LGSN: variants seen among roughly 807,000 people sequenced by gnomAD.
The protein encoded by LGSN is lengsin, lens protein with glutamine synthetase domain.
Under a neutral mutation model 19.5 loss-of-function variants are expected in LGSN, and 21 were observed. The observed-to-expected ratio is 1.07, with a 90% CI of 0.76 to 1.55. The LOEUF is 1.55. Among genes scored for constraint, LGSN ranks in the 40% most tolerant of loss-of-function variants. The pLI is 0.00. For missense variants in LGSN, 673 were observed against 608.5 expected (o/e 1.11, Z -1.12); for synonymous variants, 257 against 215.6 (o/e 1.19, Z -1.68).
the LGSN span, among the ~76,000 whole-genome samples, chr6:63,415,025 A>G: frequency 6.6e-6 from 1 of 152,230 alleles, no homozygotes; most frequent in Non-Finnish European, 1.5e-5. Context: ...ATACTGCTAT[A>G]AAGAACTGCC....
chr6:63,509,522 T>C, the LGSN span, among the ~76,000 whole-genome samples: 2 of 152,182 alleles, frequency 1.3e-5, no homozygotes, highest in African/African-American at 4.8e-5. Context: ...AAAATAAATA[T>C]ATCAAATATT....
At chr6:63,568,119 T>C in the LGSN span, among the ~76,000 whole-genome samples, 1 of 152,264 alleles carries the variant, frequency 6.6e-6, no homozygotes, top group Non-Finnish European at 1.5e-5. Flanking sequence ...TTCACTTTCT[T>C]ATCATTCCTG....
chr6:63,543,245 C>T, the LGSN span, among the ~76,000 whole-genome samples: 1 of 152,182 alleles, frequency 6.6e-6, no homozygotes, highest in Admixed American at 6.5e-5. Context: ...CAGGAAACCC[C>T]TCAGTCCCAG....
At chr6:63,443,031 G>T in the LGSN span, among the ~76,000 whole-genome samples, 4 of 152,310 alleles carry the variant, frequency 2.6e-5, no homozygotes, top group East Asian at 7.7e-4. Flanking sequence ...CGGACCATGT[G>T]GGAGCCCACC....
the LGSN span, among the ~76,000 whole-genome samples, chr6:63,477,978 T>C: frequency 2.6e-5 from 4 of 152,220 alleles, no homozygotes; most frequent in Middle Eastern, 0.014. Context: ...ACTCATCTTC[T>C]TCTTTTTCTC....
At chr6:63,551,091 A>T in the LGSN span, among the ~76,000 whole-genome samples, 9 of 147,764 alleles carry the variant, frequency 6.1e-5, no homozygotes, top group Non-Finnish European at 7.5e-5. Flanking sequence ...TTTGAGATGG[A>T]GTCTCCCTCT....
the LGSN span, among the ~76,000 whole-genome samples, chr6:63,383,924 G>A: frequency 4.6e-5 from 7 of 152,064 alleles, no homozygotes; most frequent in African/African-American, 1.2e-4. Flanking sequence ...TTTATCTCTG[G>A]TTATTCATTA....
chr6:63,489,796 T>G, the LGSN span, among the ~76,000 whole-genome samples: 1 of 152,234 alleles, frequency 6.6e-6, no homozygotes, highest in Non-Finnish European at 1.5e-5. Context: ...AACCTCCGTC[T>G]CCTGGGTTCA....
At chr6:63,332,852 A>G in the LGSN span, among the ~76,000 whole-genome samples, 1 of 152,052 alleles carries the variant, frequency 6.6e-6, no homozygotes, top group Non-Finnish European at 1.5e-5. Flanking sequence ...GGTCACCAAC[A>G]TGTGTCCGGA....
At chr6:63,330,091 G>A in the LGSN span, among the ~76,000 whole-genome samples, 1 of 152,148 alleles carries the variant, frequency 6.6e-6, no homozygotes, top group East Asian at 1.9e-4. Flanking sequence ...TCATCTGGTT[G>A]GGGCTTCTGA....
the LGSN span, among the ~76,000 whole-genome samples, chr6:63,429,801 A>T: frequency 2.6e-5 from 4 of 151,198 alleles, no homozygotes; most frequent in South Asian, 8.4e-4. Flanking sequence ...CAACAAGGCC[A>T]CTAGAGACCC....
At chr6:63,406,705 C>T in the LGSN span, among the ~76,000 whole-genome samples, 3 of 151,710 alleles carry the variant, frequency 2.0e-5, no homozygotes, top group African/African-American at 7.3e-5. Flanking sequence ...AATAGAGACA[C>T]AAAAAACCCT....
the LGSN span, among the ~76,000 whole-genome samples, chr6:63,426,666 C>T: frequency 6.6e-6 from 1 of 152,084 alleles, no homozygotes; most frequent in South Asian, 2.1e-4. Flanking sequence ...AGGTGTGGTG[C>T]CAATATGCCT....
At chr6:63,535,646 C>T in the LGSN span, among the ~76,000 whole-genome samples, 2 of 152,024 alleles carry the variant, frequency 1.3e-5, no homozygotes, top group Non-Finnish European at 2.9e-5. Flanking sequence ...TTATAAAAAT[C>T]AATGTAATAC....
At chr6:63,536,869 G>A in the LGSN span, among the ~76,000 whole-genome samples, 1 of 151,886 alleles carries the variant, frequency 6.6e-6, no homozygotes, top group East Asian at 1.9e-4. Flanking sequence ...GTAACATAAG[G>A]GTCCCCCTAA....
the LGSN span, among the ~76,000 whole-genome samples, chr6:63,482,044 C>T: frequency 0.55 from 83,545 of 152,042 alleles, 23,170 homozygotes; most frequent in Middle Eastern, 0.58. Context: ...TGAATAATGG[C>T]CATTTATTTC....
chr6:63,368,957 C>T, the LGSN span, among the ~76,000 whole-genome samples: 5 of 152,224 alleles, frequency 3.3e-5, no homozygotes, highest in African/African-American at 1.2e-4. Context: ...ACAATGATGA[C>T]TACCTTCAAT....
the LGSN span, among the ~76,000 whole-genome samples, chr6:63,350,283 A>C: frequency 6.6e-6 from 1 of 152,232 alleles, no homozygotes; most frequent in Non-Finnish European, 1.5e-5. Flanking sequence ...ATAATATGAA[A>C]GCAATTACTA....
At chr6:63,492,444 A>G in the LGSN span, among the ~76,000 whole-genome samples, 1 of 152,256 alleles carries the variant, frequency 6.6e-6, no homozygotes, top group East Asian at 1.9e-4. Context: ...GTAATTATAC[A>G]GTGACTTCAC....
Sources: allele counts gnomAD v4.1 joint callset (sites outside exome capture counted in the v4.1 genomes callset), GRCh38; gene constraint gnomAD v4.1.1; transcripts MANE v1.5; gene names NCBI Gene and HGNC (gene_info 2026-07-23, HGNC 2026-07-21).